The following PTPRD variants were observed in gnomAD, a reference collection of about 807,000 sequenced individuals.
PTPRD encodes the protein receptor-type tyrosine-protein phosphatase delta.
In PTPRD, 34 loss-of-function variants were observed where a neutral mutation model predicts 214.5. The observed-to-expected ratio is 0.16, with a 90% CI of 0.12 to 0.21. The LOEUF (loss-of-function observed/expected upper bound fraction) is 0.21, where lower values mean the gene tolerates loss of function less well. Ranked by LOEUF, PTPRD falls within the 10% of genes least tolerant of loss-of-function variation. The pLI, the probability that PTPRD is intolerant of heterozygous loss-of-function variation, is 1.00. For missense variants in PTPRD, 2,545 were observed against 2,398.7 expected (o/e 1.06, Z -1.27); for synonymous variants, 1,128 against 845.7 (o/e 1.33, Z -5.79).
intron 7 of PTPRD, among the ~76,000 whole-genome samples, chr9:9,634,771 TAG>T (rs573219052): frequency 5.0e-4 from 76 of 152,286 alleles, no homozygotes; most frequent in African/African-American, 1.8e-3. Context: ...TGAATGTGTA[TAG>T]AGTTAAGTGT....
chr9:10,218,826 T>C (rs2099553205), intron 3 of PTPRD, among the ~76,000 whole-genome samples: 1 of 151,802 alleles, frequency 6.6e-6, no homozygotes, highest in South Asian at 2.1e-4. Flanking sequence ...TTGTCATATA[T>C]TTATTATAAA....
At chr9:9,328,602 TTTG>T (rs889467949) in intron 9 of PTPRD, among the ~76,000 whole-genome samples, 4 of 148,832 alleles carry the variant, frequency 2.7e-5, no homozygotes, top group Non-Finnish European at 5.9e-5. Context: ...CACATTTTCT[TTTG>T]TTGTTGTTCT....
chr9:10,508,849 C>T (rs531450796), intron 2 of PTPRD, among the ~76,000 whole-genome samples: 6 of 151,910 alleles, frequency 3.9e-5, no homozygotes, highest in Non-Finnish European at 7.4e-5. Context: ...ATATAAATGA[C>T]GAGTTAATAG....
chr9:9,546,413 G>A (rs2078824681), intron 8 of PTPRD, among the ~76,000 whole-genome samples: 1 of 151,564 alleles, frequency 6.6e-6, no homozygotes, highest in Non-Finnish European at 1.5e-5. Context: ...ACATTCTCAT[G>A]TATTTCTATT....
intron 11 of PTPRD, among the ~76,000 whole-genome samples, chr9:8,752,823 T>C (rs889244047): frequency 6.6e-6 from 1 of 152,154 alleles, no homozygotes; most frequent in African/African-American, 2.4e-5. Flanking sequence ...AACCACCAAG[T>C]TGAGCCCAGC....
At chr9:9,634,620 T>C (rs2095696967) in intron 7 of PTPRD, among the ~76,000 whole-genome samples, 1 of 152,124 alleles carries the variant, frequency 6.6e-6, no homozygotes, top group Admixed American at 6.6e-5. Flanking sequence ...CACCAAAATA[T>C]GAACACAAAA....
intron 7 of PTPRD, among the ~76,000 whole-genome samples, chr9:9,627,256 G>A (rs542335415): frequency 2.0e-5 from 3 of 152,302 alleles, no homozygotes; most frequent in South Asian, 4.1e-4. Flanking sequence ...GCACTGAGCC[G>A]AGATTGGGCC....
rs1228340993 is a variant in PTPRD, at chr9:9,932,814, G to A, written c.-368+5693C>T. Among the ~76,000 whole-genome samples, 269 of 124,860 alleles carry A rather than the reference G, an allele frequency of 2.2e-3. 9 individuals carry two copies. Among genetic ancestry groups the A allele is most frequent in the Admixed American group, 5.5e-3 (68 of 12,420 alleles). 81.9% of individuals were successfully genotyped at this position (124,860 alleles called of 152,430 possible). A position where few individuals can be genotyped will look rare whatever the true frequency, so the allele number is the denominator to read the frequency against. On this transcript the variant is annotated intron_variant, in intron 5 of 45. Coordinates refer to ENST00000381196, the MANE Select transcript of PTPRD (RefSeq NM_002839.4). ...GTTGAAATGAAGGAAAAAATGTTAA[G>A]GGCAGCCAGAGAGAAAGGTCGGGTT...
At chr9:10,144,011 A>C (rs907939884) in intron 3 of PTPRD, among the ~76,000 whole-genome samples, 8 of 152,124 alleles carry the variant, frequency 5.3e-5, no homozygotes, top group Admixed American at 2.0e-4. Context: ...TCATTTAATA[A>C]AACTTTGTAA....
intron 14 of PTPRD, among the ~76,000 whole-genome samples, chr9:8,580,145 A>G (rs2092916786): frequency 6.6e-6 from 1 of 152,226 alleles, no homozygotes; most frequent in Non-Finnish European, 1.5e-5. Flanking sequence ...TACGAAACAA[A>G]TGTTTATGGA....
intron 11 of PTPRD, among the ~76,000 whole-genome samples, chr9:8,921,579 T>C (rs2098828270): frequency 1.3e-5 from 2 of 152,106 alleles, no homozygotes; most frequent in South Asian, 4.1e-4. Context: ...CTGCAACCTC[T>C]GCCTCCCTGG....
chr9:9,467,899 T>C (rs915661531), intron 8 of PTPRD, among the ~76,000 whole-genome samples: 2 of 152,154 alleles, frequency 1.3e-5, no homozygotes, highest in Non-Finnish European at 2.9e-5. Context: ...ATTTGGTATG[T>C]CAATTTTTAA....
intron 34 of PTPRD, chr9:8,437,294 A>T: frequency 7.5e-7 from 1 of 1,340,076 alleles, no homozygotes; most frequent in Non-Finnish European, 1.0e-6. Context: ...TCTTCAAAAA[A>T]AAATGAAATG....
intron 2 of PTPRD, among the ~76,000 whole-genome samples, chr9:10,414,602 G>A (rs142730042): frequency 6.6e-6 from 1 of 151,994 alleles, no homozygotes; most frequent in African/African-American, 2.4e-5. Context: ...ATGCCCAGAA[G>A]AATATAAATT....
intron 3 of PTPRD, among the ~76,000 whole-genome samples, chr9:10,317,803 G>A (rs183485070): frequency 5.3e-5 from 8 of 152,008 alleles, no homozygotes; most frequent in African/African-American, 1.2e-4. Flanking sequence ...CATGTATAAC[G>A]TCTGACTATT....
intron 2 of PTPRD, among the ~76,000 whole-genome samples, chr9:10,558,546 G>A (rs145814901): frequency 0.011 from 1,614 of 152,146 alleles, 31 homozygotes; most frequent in African/African-American, 0.036. Context: ...TAGCCATGTG[G>A]CCTTGGGCAA....
intron 4 of PTPRD, among the ~76,000 whole-genome samples, chr9:9,944,430 C>T (rs923468600): frequency 3.3e-5 from 5 of 152,174 alleles, no homozygotes; most frequent in African/African-American, 9.6e-5. Flanking sequence ...ATAAAATGCA[C>T]ACACATTTCT....
chr9:9,812,188 T>G (rs991624578), intron 5 of PTPRD, among the ~76,000 whole-genome samples: 1 of 152,176 alleles, frequency 6.6e-6, no homozygotes, highest in Non-Finnish European at 1.5e-5. Flanking sequence ...CAGTATAGTA[T>G]AAACGTAACT....
At chr9:9,259,255 C>G (rs530730719) in intron 9 of PTPRD, among the ~76,000 whole-genome samples, 1 of 151,770 alleles carries the variant, frequency 6.6e-6, no homozygotes. Flanking sequence ...TTATAAAAAG[C>G]TATGTGAGAA....
Sources: allele counts gnomAD v4.1 joint callset (sites outside exome capture counted in the v4.1 genomes callset), GRCh38; gene constraint gnomAD v4.1.1; transcripts MANE v1.5; gene names NCBI Gene and HGNC (gene_info 2026-07-23, HGNC 2026-07-21).